The following MGAM2 variants were observed in gnomAD, a reference collection of about 807,000 sequenced individuals.
MGAM2 encodes the protein probable maltase-glucoamylase 2.
Under a neutral mutation model 96.1 loss-of-function variants are expected in MGAM2, and 98 were observed. The observed-to-expected ratio is 1.02, with a 90% CI of 0.87 to 1.21. The LOEUF is 1.21. Among genes scored for constraint, MGAM2 ranks in the 50% most tolerant of loss-of-function variants. The pLI is 0.00. For missense variants in MGAM2, 2,055 were observed against 1,182.4 expected (o/e 1.74, Z -10.82); for synonymous variants, 749 against 414.8 (o/e 1.81, Z -9.79).
intron 14 of MGAM2, 77 bp downstream of exon 14, chr7:142,145,022 G>A (rs1402427078): frequency 4.2e-5 from 28 of 670,710 alleles, no homozygotes; most frequent in Non-Finnish European, 7.0e-5. Flanking sequence ...AGTGTGGTCG[G>A]GAGCAATTTC....
intron 45 of MGAM2, 88 bp downstream of exon 45, chr7:142,200,056 CCT>C (rs1306420294): frequency 3.8e-6 from 2 of 522,766 alleles, no homozygotes; most frequent in Non-Finnish European, 6.8e-6. Context: ...GAACTGAAAA[CCT>C]CTCTCTGCCT....
intron 45 of MGAM2, among the ~76,000 whole-genome samples, chr7:142,200,648 C>T (rs1027682493): frequency 9.9e-5 from 15 of 152,148 alleles, no homozygotes; most frequent in African/African-American, 3.6e-4. Context: ...TCTAATCTTG[C>T]AACATACCAC....
Position 142,221,509 on chromosome 7 carries a change from C to G in MGAM2, c.6998C>G (p.Thr2333Ser). The G allele has an allele frequency of 1.8e-6, 1 of 546,032 alleles. No homozygotes were observed. The highest frequency in any genetic ancestry group is 3.2e-6 in the Non-Finnish European group (1 of 311,368). The allele number at this position is 546,032 out of a possible 1,614,324, so 33.8% of individuals were successfully genotyped here. A position where few individuals can be genotyped will look rare whatever the true frequency, so the allele number is the denominator to read the frequency against. ...ACTACTGATAAAATTACTAATTTTACTACCCCTACAAATGCAAACACCATT... is the reference window on the plus strand; with the variant it reads ...ACTACTGATAAAATTACTAATTTTAGTACCCCTACAAATGCAAACACCATT... ...TFTTDKITNFTTPTNANTIIF... is the reference protein window; with the variant it reads ...TFTTDKITNFSTPTNANTIIF... The change falls in exon 48 of 48, where the codon ACT (threonine) becomes AGT (serine). Residue 2333 changes from threonine (T) to serine (S), a missense_variant. Physicochemically the swap from Thr to Ser is moderately conservative, Grantham distance 58. Coordinates refer to ENST00000477922, the MANE Select transcript of MGAM2 (RefSeq NM_001293626.2).
chr7:142,187,770 T>C lies in MGAM2; in HGVS notation c.4143T>C (p.Asn1381=), dbSNP rs928443837. 1.9e-5 allele frequency: 13 copies of C among 702,570 alleles called. No individual in the cohort carries two copies. Among genetic ancestry groups the C allele is most frequent in the African/African-American group, 1.7e-4 (10 of 57,234 alleles). The allele number at this position is 702,570 out of a possible 1,614,324, so 43.5% of individuals were successfully genotyped here. Residue 1381 remains asparagine, a synonymous_variant, in exon 36 of 48, where the codon AAT becomes AAC. Transcript: ENST00000477922. ...TTCAGGATATGAATGAGCCATCAAA[T>C]TTTGTGGATGGATCTGTCAGGGGCT... ...GLWIDMNEPS[N]FVDGSVRGCS...
At chr7:142,116,367 C>A (rs1817402381) in intron 1 of MGAM2, among the ~76,000 whole-genome samples, 1 of 152,170 alleles carries the variant, frequency 6.6e-6, no homozygotes, top group African/African-American at 2.4e-5. Context: ...TTACCAGATC[C>A]TTGAGAGTGT....
intron 6 of MGAM2, among the ~76,000 whole-genome samples, 166 bp downstream of exon 6, chr7:142,132,251 G>A (rs1391113006): frequency 6.6e-6 from 1 of 150,740 alleles, no homozygotes; most frequent in Non-Finnish European, 1.5e-5. Context: ...AGCCTATCAT[G>A]CTCGTAAAAC....
chr7:142,186,290 T>C (rs1178100008), intron 35 of MGAM2, among the ~76,000 whole-genome samples, 167 bp downstream of exon 35: 1 of 152,038 alleles, frequency 6.6e-6, no homozygotes, highest in African/African-American at 2.4e-5. Context: ...GCAGAGATCA[T>C]TGCTGATCTG....
rs1585178610 is a variant in MGAM2 at position 142,164,966 on chromosome 7, C to T, written c.2595C>T (p.Val865=). 1.4e-6 allele frequency: 1 copy of T among 702,760 alleles called. No homozygotes were observed. 43.5% of individuals were successfully genotyped at this position (702,760 alleles called of 1,614,324 possible). A position where few individuals can be genotyped will look rare whatever the true frequency, so the allele number is the denominator to read the frequency against. Residue 865 remains valine (V), a synonymous_variant, in exon 24 of 48, where the codon GTC becomes GTT. Transcript: ENST00000477922. ...ACAAACAGCCAGCTAATTTTATCGT[C>T]CTACTGAATAATGTTGCCACCTCCA... is the stretch of plus-strand genomic sequence containing the variant. The part of the protein sequence containing the change: ...GMDKQPANFI[V]LLNNVATSSP...
intron 17 of MGAM2, among the ~76,000 whole-genome samples, chr7:142,156,486 A>T (rs1172748241): frequency 6.6e-6 from 1 of 152,232 alleles, no homozygotes; most frequent in Non-Finnish European, 1.5e-5. Flanking sequence ...TTTAAGATTT[A>T]TATTTAAAGT....
At chr7:142,123,995 C>T (rs868092304) in intron 3 of MGAM2, among the ~76,000 whole-genome samples, 5 of 95,946 alleles carry the variant, frequency 5.2e-5, no homozygotes, top group South Asian at 6.8e-4. Flanking sequence ...TTTTTTGAGA[C>T]GGAGTCTTGC....
intron 45 of MGAM2, among the ~76,000 whole-genome samples, chr7:142,203,142 C>T (rs1251491129): frequency 2.0e-5 from 3 of 151,970 alleles, no homozygotes. Context: ...TTGACTTTTG[C>T]TTCTTGATTT....
Position 142,160,254 on chromosome 7 carries a change from G to A in MGAM2, c.2341G>A (p.Ala781Thr), listed in dbSNP as rs1350722479. 1 of 699,498 alleles carries A rather than the reference G, an allele frequency of 1.4e-6. No individual in the cohort carries two copies. The highest frequency in any genetic ancestry group is 2.7e-5 in the East Asian group (1 of 37,204). The allele number at this position is 699,498 out of a possible 1,614,324, so 43.3% of individuals were successfully genotyped here. ...TCAGAAGCCAAACACAACCACAGAAGCCAGGTAAGCTCCTTACTCTTCTAA... is the reference window on the plus strand; with the variant it reads ...TCAGAAGCCAAACACAACCACAGAAACCAGGTAAGCTCCTTACTCTTCTAA... ...PTQKPNTTTEASRRNSLGLII... is the reference protein window; with the variant it reads ...PTQKPNTTTETSRRNSLGLII... The change falls in exon 21 of 48, where the codon GCC becomes ACC. Residue 781 changes from alanine (A) to threonine (T), a missense_variant. Coordinates refer to ENST00000477922, the MANE Select transcript of MGAM2 (RefSeq NM_001293626.2).
chr7:142,160,856 C>T (rs370513553), intron 21 of MGAM2, among the ~76,000 whole-genome samples: 1 of 152,066 alleles, frequency 6.6e-6, no homozygotes, highest in Non-Finnish European at 1.5e-5. Context: ...ATGGTAAACA[C>T]CTAATGAGGC....
At chr7:142,155,402 A>G (rs1174061917) in intron 17 of MGAM2, among the ~76,000 whole-genome samples, 1 of 152,180 alleles carries the variant, frequency 6.6e-6, no homozygotes, top group Non-Finnish European at 1.5e-5. Flanking sequence ...AGTCCCCCCT[A>G]AGGAGGTGTT....
intron 43 of MGAM2, 27 bp from the exon 44 acceptor site, chr7:142,198,588 A>AT (rs1158001384): frequency 4.3e-6 from 3 of 700,238 alleles, no homozygotes; most frequent in South Asian, 1.5e-5. Context: ...ATCTCTCGCC[A>AT]TTTTTTGCCT....
At chr7:142,202,740 C>T (rs1442052361) in intron 45 of MGAM2, among the ~76,000 whole-genome samples, 2 of 152,100 alleles carry the variant, frequency 1.3e-5, no homozygotes, top group Non-Finnish European at 2.9e-5. Flanking sequence ...TGGGTTGATT[C>T]CATGTCTTTG....
rs773099030 is a variant in MGAM2, at chr7:142,134,094, G to GT, written c.689_690insT (p.His231ProfsTer23). ...GGAGAGCATGTGCACCAGCAGTACC[G>GT]CCACAATATGACCTGGAAGACTTGG... On this transcript the variant is annotated frameshift_variant, in exon 7 of 48. Transcript: ENST00000477922. LOFTEE classifies it high-confidence loss of function. 3 of 763,178 alleles carry GT rather than the reference G, an allele frequency of 3.9e-6. No homozygotes were observed. The South Asian group carries it at 4.0e-5, about 10-fold the overall frequency. The allele number at this position is 763,178 out of a possible 1,614,324, so 47.3% of individuals were successfully genotyped here.
intron 15 of MGAM2, among the ~76,000 whole-genome samples, chr7:142,153,270 G>A (rs974304078): frequency 1.3e-5 from 2 of 152,076 alleles, no homozygotes; most frequent in Non-Finnish European, 2.9e-5. Flanking sequence ...AAAGTGCTGG[G>A]ATTATAGGCG....
chr7:142,137,735 A>T (rs769007925), intron 9 of MGAM2, among the ~76,000 whole-genome samples, 190 bp downstream of exon 9: 42 of 152,302 alleles, frequency 2.8e-4, no homozygotes, highest in Non-Finnish European at 5.1e-4. Flanking sequence ...CCAAAGAGAC[A>T]CTGTGCAAGG....
Sources: gnomAD v4.1 joint callset for allele counts (sites outside exome capture counted in the v4.1 genomes callset) on GRCh38, gnomAD v4.1.1 for gene constraint, MANE v1.5 for transcripts, NCBI Gene and HGNC (gene_info 2026-07-23, HGNC 2026-07-21) for gene names.